Variants in RIMS2 observed in about 807,000 individuals in gnomAD.
RIMS2 encodes the protein regulating synaptic membrane exocytosis 2.
In RIMS2, 59 loss-of-function variants were observed where a neutral mutation model predicts 174.4. The ratio of observed to expected loss-of-function variants is 0.34; its 90% confidence interval spans 0.27 to 0.42. The LOEUF is 0.42. Ranked by LOEUF, RIMS2 falls within the 10% of genes least tolerant of loss-of-function variation. RIMS2 has a pLI of 1.00. For missense variants in RIMS2, 1,620 were observed against 1,666.3 expected, an observed-to-expected ratio of 0.97 and a Z score of 0.48; for synonymous variants, 606 against 572.5, an observed-to-expected ratio of 1.06 and a Z score of -0.84.
At chr8:103,863,894 T>G (rs1034413288) in intron 3 of RIMS2, among the ~76,000 whole-genome samples, 8 of 123,110 alleles carry the variant, frequency 6.5e-5, no homozygotes, top group African/African-American at 2.9e-4. Flanking sequence ...CAAGTTTTTT[T>G]TTTTGTTTTT....
At chr8:103,789,034 C>A (rs2098471070) in intron 3 of RIMS2, among the ~76,000 whole-genome samples, 1 of 152,174 alleles carries the variant, frequency 6.6e-6, no homozygotes, top group African/African-American at 2.4e-5. Flanking sequence ...ACCCGATTTT[C>A]CAGGTGCCGT....
At chr8:103,666,625 G>T (rs375734907) in intron 1 of RIMS2, among the ~76,000 whole-genome samples, 1 of 152,012 alleles carries the variant, frequency 6.6e-6, no homozygotes, top group African/African-American at 2.4e-5. Flanking sequence ...GTCTTTTTTG[G>T]GGGGCTATCT....
rs2097715582 is a variant in RIMS2, at chr8:103,738,420, A to T, written c.388-27807A>T. 2.6e-5 allele frequency among the ~76,000 whole-genome samples: 4 copies of T among 152,372 alleles called. 1 individual carries two copies. In the Middle Eastern group the frequency reaches 0.01, roughly 389 times the overall value. On this transcript the variant is annotated intron_variant, in intron 2 of 23. Transcript: ENST00000504942. Reference sequence around the variant, plus strand: ...AGATTTAATTGTTAGACCTAAAACCATAAAAACCCTAGAAGAAAGCCTAGG... The same window carrying T: ...AGATTTAATTGTTAGACCTAAAACCTTAAAAACCCTAGAAGAAAGCCTAGG...
chr8:103,977,404 G>A (rs1322429420), intron 16 of RIMS2: 2 of 152,142 alleles, frequency 1.3e-5, no homozygotes, highest in Non-Finnish European at 2.9e-5. Context: ...TTTTAAATTT[G>A]TAACTTTAAT....
At position 103,570,204 on chromosome 8, in the gene RIMS2, TGTA is replaced by T. The variant is rs373064777; in HGVS notation, c.176+69144_176+69146del. Among the ~76,000 whole-genome samples the T allele has an allele frequency of 3.9e-3, 598 of 152,292 alleles. 3 individuals carry two copies. The highest frequency in any genetic ancestry group is 0.014 in the African/African-American group (570 of 41,564). ...ATGTACTTCTATGCTGTTTTGTTGT[TGTA>T]GGTTTGTTTCTAGACCTCTCATCTA... On this transcript the variant is annotated intron_variant, in intron 1 of 23. Coordinates refer to ENST00000504942, the Ensembl canonical transcript of RIMS2.
At chr8:103,845,709 A>G (rs1194672712) in intron 3 of RIMS2, among the ~76,000 whole-genome samples, 1 of 152,106 alleles carries the variant, frequency 6.6e-6, no homozygotes, top group Admixed American at 6.6e-5. Flanking sequence ...CCCACACTCT[A>G]GGAACTTAGC....
At chr8:104,188,253 A>AGAT (rs1481881348) in intron 19 of RIMS2, among the ~76,000 whole-genome samples, 10 of 145,990 alleles carry the variant, frequency 6.8e-5, no homozygotes, top group African/African-American at 2.3e-4. Flanking sequence ...ATAGATAGAT[A>AGAT]GATAGATAGA....
intron 2 of RIMS2, among the ~76,000 whole-genome samples, chr8:103,765,510 T>C (rs1041999567): frequency 6.6e-6 from 1 of 152,158 alleles, no homozygotes; most frequent in African/African-American, 2.4e-5. Context: ...AATGGCAAAT[T>C]TTATGTTGTG....
At chr8:104,252,881 C>T (rs1448001598), downstream of RIMS2, 1 of 152,100 alleles carries the variant, frequency 6.6e-6, no homozygotes, top group African/African-American at 2.4e-5. Context: ...TTTCTCCCTG[C>T]CAGAGTGAAC....
chr8:103,515,403 ATAAC>A (rs964571592), intron 1 of RIMS2, among the ~76,000 whole-genome samples: 13 of 152,348 alleles, frequency 8.5e-5, no homozygotes, highest in Admixed American at 3.3e-4. Flanking sequence ...TTTGAAGTCA[ATAAC>A]TACCTTTCAA....
At chr8:104,048,764 A>G (rs368940166) in intron 19 of RIMS2, among the ~76,000 whole-genome samples, 160 of 152,288 alleles carry the variant, frequency 1.1e-3, no homozygotes, top group African/African-American at 3.6e-3. Context: ...ATTGAAAGTA[A>G]TGTCTGTAAA....
At chr8:103,607,238 T>G in intron 1 of RIMS2, among the ~76,000 whole-genome samples, 1 of 152,296 alleles carries the variant, frequency 6.6e-6, no homozygotes, top group South Asian at 2.1e-4. Flanking sequence ...CTGTGAAGTA[T>G]TTTATTTCTC....
intron 1 of RIMS2, among the ~76,000 whole-genome samples, chr8:103,615,811 G>C (rs963853735): frequency 6.6e-6 from 1 of 152,130 alleles, no homozygotes; most frequent in African/African-American, 2.4e-5. Flanking sequence ...ACCCTCCGAA[G>C]ACTGAGCCAG....
At chr8:103,559,118 CTCA>C (rs2091151315) in intron 1 of RIMS2, 7 of 132,468 alleles carry the variant, frequency 5.3e-5, no homozygotes, top group Non-Finnish European at 1.5e-5. Flanking sequence ...CATTGTCATC[CTCA>C]TCAGCTGCCC....
intron 3 of RIMS2, among the ~76,000 whole-genome samples, chr8:103,813,865 G>A (rs1252552683): frequency 6.6e-6 from 1 of 152,068 alleles, no homozygotes; most frequent in Non-Finnish European, 1.5e-5. Flanking sequence ...ATAAATATAT[G>A]TGTGCATGTG....
chr8:103,702,852 G>GTTTTTTTT (rs59947900), intron 2 of RIMS2, among the ~76,000 whole-genome samples: 11 of 117,236 alleles, frequency 9.4e-5, no homozygotes, highest in East Asian at 2.5e-4. Context: ...TCCTCCAGCT[G>GTTTTTTTT]TTTTTTTTTT....
chr8:104,068,902 A>T (rs1211353599), intron 19 of RIMS2, among the ~76,000 whole-genome samples: 1 of 152,194 alleles, frequency 6.6e-6, no homozygotes, highest in Non-Finnish European at 1.5e-5. Flanking sequence ...TAAGAACTTA[A>T]ATGATCTTAT....
intron 1 of RIMS2, among the ~76,000 whole-genome samples, chr8:103,531,261 T>A (rs1277167636): frequency 6.6e-6 from 1 of 152,126 alleles, no homozygotes; most frequent in Non-Finnish European, 1.5e-5. Flanking sequence ...CCATCTCCTA[T>A]ATTATAAGGC....
At chr8:103,932,332 A>G (rs1278031840) in intron 12 of RIMS2, among the ~76,000 whole-genome samples, 1 of 152,238 alleles carries the variant, frequency 6.6e-6, no homozygotes, top group Non-Finnish European at 1.5e-5. Flanking sequence ...CTGAACAACA[A>G]TCTCAGCAAA....
Sources: allele counts gnomAD v4.1 joint callset (sites outside exome capture counted in the v4.1 genomes callset), GRCh38; gene constraint gnomAD v4.1.1; transcripts MANE v1.5; gene names NCBI Gene and HGNC (gene_info 2026-07-23, HGNC 2026-07-21).